DGKB: variants seen among roughly 807,000 people sequenced by gnomAD.
The protein encoded by DGKB is diacylglycerol kinase beta.
Under a neutral mutation model 114.3 loss-of-function variants are expected in DGKB, and 67 were observed. That is an observed-to-expected ratio of 0.59 (90% CI 0.48 to 0.72). The LOEUF (loss-of-function observed/expected upper bound fraction) is 0.72, where lower values mean the gene tolerates loss of function less well. Among genes scored for constraint, DGKB ranks in the 30% least tolerant of loss-of-function variants. The pLI is 0.00. For synonymous variants in DGKB, 398 were observed against 323.1 expected (o/e 1.23, Z -2.49); for missense variants, 907 against 975.2 (o/e 0.93, Z 0.93).
intron 25 of DGKB, among the ~76,000 whole-genome samples, chr7:14,154,971 C>T (rs1450804672): frequency 2.0e-5 from 3 of 151,948 alleles, no homozygotes; most frequent in African/African-American, 4.8e-5. Context: ...ATGTGATCCA[C>T]AGGCTAGGAA....
chr7:14,744,540 A>G (rs1832994697), intron 4 of DGKB, among the ~76,000 whole-genome samples: 1 of 152,216 alleles, frequency 6.6e-6, no homozygotes, highest in African/African-American at 2.4e-5. Flanking sequence ...CACCCAATTC[A>G]TAGGTATTTG....
chr7:14,873,084 C>T (rs1852724919), intron 1 of DGKB, among the ~76,000 whole-genome samples: 1 of 152,030 alleles, frequency 6.6e-6, no homozygotes, highest in Non-Finnish European at 1.5e-5. Flanking sequence ...ATGGGAAATT[C>T]AAACTACCCT....
intron 20 of DGKB, among the ~76,000 whole-genome samples, chr7:14,555,341 C>T (rs1390224170): frequency 6.6e-6 from 1 of 152,070 alleles, no homozygotes; most frequent in African/African-American, 2.4e-5. Context: ...ATTTTAGTTG[C>T]AGAAATTTGG....
At chr7:14,411,662 A>ATCATCTCT (rs1411063139) in intron 21 of DGKB, among the ~76,000 whole-genome samples, 1 of 63,226 alleles carries the variant, frequency 1.6e-5, no homozygotes, top group Non-Finnish European at 4.6e-5. Flanking sequence ...GCTGTAAGAT[A>ATCATCTCT]AACAGTATAA....
At chr7:14,643,883 A>G (rs1225975143) in intron 13 of DGKB, among the ~76,000 whole-genome samples, 1 of 152,062 alleles carries the variant, frequency 6.6e-6, no homozygotes, top group Non-Finnish European at 1.5e-5. Context: ...AAGCCCAAAA[A>G]ACTGACCTCT....
At chr7:14,392,982 G>GTTT (rs1298052301) in intron 21 of DGKB, among the ~76,000 whole-genome samples, 5 of 27,470 alleles carry the variant, frequency 1.8e-4, no homozygotes, top group African/African-American at 3.6e-4. Flanking sequence ...AAACAGACCT[G>GTTT]TTTTTTGTTT....
chr7:14,424,343 AT>A (rs1311150210), intron 21 of DGKB, among the ~76,000 whole-genome samples: 3 of 151,484 alleles, frequency 2.0e-5, no homozygotes, highest in Admixed American at 2.0e-4. Context: ...CTTCGTGACT[AT>A]TTTCCTCCCT....
intron 23 of DGKB, among the ~76,000 whole-genome samples, chr7:14,250,132 ATTTTTT>A (rs57215648): frequency 1.5e-5 from 2 of 135,580 alleles, no homozygotes; most frequent in Admixed American, 7.4e-5. Flanking sequence ...ATATATATAT[ATTTTTT>A]TTTTTTTTTT....
chr7:14,624,926 G>T (rs1404614735), intron 14 of DGKB, among the ~76,000 whole-genome samples: 2 of 151,898 alleles, frequency 1.3e-5, no homozygotes, highest in East Asian at 3.9e-4. Flanking sequence ...TGGAGTCTGG[G>T]GATGGAGGTT....
chr7:14,671,817 G>C (rs1294848217), intron 13 of DGKB, among the ~76,000 whole-genome samples: 3 of 151,938 alleles, frequency 2.0e-5, no homozygotes, highest in African/African-American at 7.2e-5. Context: ...AAGTCTTCAA[G>C]ACAACACTTA....
chr7:14,927,545 C>T (rs1435477089), intron 1 of DGKB, among the ~76,000 whole-genome samples: 3 of 151,830 alleles, frequency 2.0e-5, no homozygotes, highest in Non-Finnish European at 4.4e-5. Context: ...AAGCAAACTC[C>T]TACACAAATC....
At chr7:14,688,122 G>A (rs927336793) in intron 9 of DGKB, among the ~76,000 whole-genome samples, 1 of 152,080 alleles carries the variant, frequency 6.6e-6, no homozygotes, top group Non-Finnish European at 1.5e-5. Context: ...GTCTTGTCTT[G>A]TTTATCTTAC....
chr7:14,386,896 C>G (rs983060514), intron 21 of DGKB, among the ~76,000 whole-genome samples: 2 of 151,682 alleles, frequency 1.3e-5, no homozygotes, highest in Admixed American at 6.6e-5. Context: ...CTAGTAGAAG[C>G]CTTCTTTCTC....
At chr7:14,602,003 A>G (rs1441138811) in intron 17 of DGKB, among the ~76,000 whole-genome samples, 2 of 150,276 alleles carry the variant, frequency 1.3e-5, no homozygotes, top group African/African-American at 2.5e-5. Context: ...CTCATCCTCC[A>G]TATTGCAGCC....
At position 14,380,303 on chromosome 7, in the gene DGKB, A is replaced by T. The variant is rs1819231901; in HGVS notation, c.1836-34912T>A. 2.6e-5 allele frequency among the ~76,000 whole-genome samples: 4 copies of T among 152,070 alleles called. No homozygotes were observed. The South Asian group carries it at 8.3e-4, about 31-fold the overall frequency. ...GCATGTTTTTAATTATGCCTAATTGAAAAAGGAATAAAATCATTTGGAAGT... is the reference window on the plus strand; with the variant it reads ...GCATGTTTTTAATTATGCCTAATTGTAAAAGGAATAAAATCATTTGGAAGT... On this transcript the variant is annotated intron_variant, in intron 21 of 25. Transcript: ENST00000402815.
intron 20 of DGKB, among the ~76,000 whole-genome samples, chr7:14,561,210 G>C (rs1254497076): frequency 1.3e-5 from 2 of 152,240 alleles, no homozygotes; most frequent in East Asian, 1.9e-4. Context: ...GTATAATGGA[G>C]AGTTCCCCTG....
chr7:14,562,056 T>C (rs910421543), intron 20 of DGKB, among the ~76,000 whole-genome samples: 1 of 152,208 alleles, frequency 6.6e-6, no homozygotes, highest in African/African-American at 2.4e-5. Flanking sequence ...GTACCCCATG[T>C]CTCAGCTACT....
At chr7:14,747,447 T>C (rs1233048703) in intron 4 of DGKB, among the ~76,000 whole-genome samples, 1 of 152,124 alleles carries the variant, frequency 6.6e-6, no homozygotes, top group Non-Finnish European at 1.5e-5. Context: ...CCCGTCCCTT[T>C]TCTTCTCTTG....
chr7:14,779,189 A>T (rs985485008), intron 2 of DGKB, among the ~76,000 whole-genome samples: 6 of 152,154 alleles, frequency 3.9e-5, no homozygotes, highest in Middle Eastern at 3.2e-3. Context: ...AAAGTTTGTC[A>T]TCTTTATTTA....
Sources: gnomAD v4.1 joint callset for allele counts (sites outside exome capture counted in the v4.1 genomes callset) on GRCh38, gnomAD v4.1.1 for gene constraint, MANE v1.5 for transcripts, NCBI Gene and HGNC (gene_info 2026-07-23, HGNC 2026-07-21) for gene names.